The following HNF4G variants were observed in gnomAD, a reference collection of about 807,000 sequenced individuals.
HNF4G encodes hepatocyte nuclear factor 4-gamma.
In HNF4G, 21 loss-of-function variants were observed where a neutral mutation model predicts 50.9. The observed-to-expected ratio is 0.41, with a 90% CI of 0.29 to 0.59. The LOEUF (loss-of-function observed/expected upper bound fraction) is 0.59. Among genes scored for constraint, HNF4G ranks in the 20% least tolerant of loss-of-function variants. The pLI is 0.26. For synonymous variants in HNF4G, 198 were observed against 185.6 expected (o/e 1.07, Z -0.54); for missense variants, 527 against 559.4 (o/e 0.94, Z 0.58).
At chr8:75,469,374 GC>G (rs1259600516) in intron 1 of HNF4G, among the ~76,000 whole-genome samples, 1 of 152,162 alleles carries the variant, frequency 6.6e-6, no homozygotes. Context: ...CTGAGTAATT[GC>G]GACAATAATC....
At chr8:75,436,060 T>C (rs1019052836) in intron 1 of HNF4G, among the ~76,000 whole-genome samples, 1 of 152,178 alleles carries the variant, frequency 6.6e-6, no homozygotes, top group Non-Finnish European at 1.5e-5. Context: ...TATTCTGTTA[T>C]AATAGCAACA....
chr8:75,419,666 G>C (rs112306421), intron 1 of HNF4G, among the ~76,000 whole-genome samples: 5 of 152,284 alleles, frequency 3.3e-5, no homozygotes, highest in African/African-American at 1.2e-4. Context: ...CAAGCTCCAT[G>C]ATTCACGCCC....
At chr8:75,471,899 G>A (rs11990363) in intron 1 of HNF4G, among the ~76,000 whole-genome samples, 64,001 of 151,972 alleles carry the variant, frequency 0.42, 15,892 homozygotes, top group African/African-American at 0.7. Context: ...TTGGGATGAT[G>A]GAAAGAGAAC....
chr8:75,456,901 C>CA (rs1260114110), intron 1 of HNF4G, among the ~76,000 whole-genome samples: 2 of 150,834 alleles, frequency 1.3e-5, no homozygotes, highest in African/African-American at 4.9e-5. Context: ...CCACCATGCC[C>CA]AAAAAAATAA....
intron 1 of HNF4G, among the ~76,000 whole-genome samples, chr8:75,467,881 C>T (rs545754597): frequency 2.4e-4 from 36 of 152,132 alleles, no homozygotes; most frequent in South Asian, 1.7e-3. Flanking sequence ...GTTGCTAGGA[C>T]GGACTTACAG....
chr8:75,509,265 GC>G (rs1236604788), intron 2 of HNF4G, among the ~76,000 whole-genome samples: 1 of 152,128 alleles, frequency 6.6e-6, no homozygotes, highest in Non-Finnish European at 1.5e-5. Flanking sequence ...ATTGTGAAGA[GC>G]TAAGGACTGA....
chr8:75,531,590 A>G (rs1464165980), intron 2 of HNF4G, among the ~76,000 whole-genome samples: 2 of 152,102 alleles, frequency 1.3e-5, no homozygotes, highest in Non-Finnish European at 2.9e-5. Context: ...ACACTTTTAT[A>G]TTATACAGTC....
At chr8:75,473,032 G>C (rs898381089) in intron 1 of HNF4G, among the ~76,000 whole-genome samples, 1 of 152,000 alleles carries the variant, frequency 6.6e-6, no homozygotes, top group Admixed American at 6.6e-5. Flanking sequence ...AGTGTCAGCC[G>C]GGAGCAGTGG....
In HNF4G at chr8:75,519,778, C is replaced by T. The variant is rs562658587; in HGVS notation, c.-23-24033C>T. Among the ~76,000 whole-genome samples the T allele has an allele frequency of 2.6e-4, 39 of 152,020 alleles. No homozygotes were observed. In the East Asian group the frequency reaches 6.8e-3, roughly 26 times the overall value. ...TTTTTTTCTTGTTTAAACTTTTAATCTGTTTACGTCTTTGTATTTAAAGTG... is the reference window on the plus strand; with the variant it reads ...TTTTTTTCTTGTTTAAACTTTTAATTTGTTTACGTCTTTGTATTTAAAGTG... On this transcript the variant is annotated intron_variant, in intron 2 of 10. Transcript: ENST00000354370.
chr8:75,428,039 C>G lies in HNF4G; in HGVS notation c.-144+19877C>G, dbSNP rs73688882. Reference sequence around the variant, plus strand: ...GTCCATCAATATGCATAAAACATTGCTTTATATACTTATAATGGAACATTA... The same window carrying G: ...GTCCATCAATATGCATAAAACATTGGTTTATATACTTATAATGGAACATTA... On this transcript the variant is annotated intron_variant, in intron 1 of 10. Transcript: ENST00000354370. Among the ~76,000 whole-genome samples, 766 of 152,156 alleles carry G rather than the reference C, an allele frequency of 5.0e-3. 13 individuals carry two copies. Among genetic ancestry groups the G allele is most frequent in the African/African-American group, 0.018 (740 of 41,502 alleles).
At chr8:75,424,921 T>G (rs1315160925) in intron 1 of HNF4G, among the ~76,000 whole-genome samples, 1 of 152,102 alleles carries the variant, frequency 6.6e-6, no homozygotes, top group Non-Finnish European at 1.5e-5. Context: ...TAATGGGATT[T>G]CTAGGTCAAG....
At chr8:75,445,736 G>A (rs913088391) in intron 1 of HNF4G, among the ~76,000 whole-genome samples, 2 of 143,696 alleles carry the variant, frequency 1.4e-5, no homozygotes, top group African/African-American at 5.4e-5. Context: ...CCAGGAAGAA[G>A]TTGAATCTCT....
intron 1 of HNF4G, among the ~76,000 whole-genome samples, chr8:75,409,480 CTT>C (rs5892492): frequency 7.0e-3 from 471 of 67,322 alleles, no homozygotes; most frequent in African/African-American, 0.023. Flanking sequence ...GTGCCTTGTT[CTT>C]TTTTTTTTTT....
At chr8:75,480,987 G>A (rs1812364052) in intron 1 of HNF4G, among the ~76,000 whole-genome samples, 1 of 152,092 alleles carries the variant, frequency 6.6e-6, no homozygotes, top group South Asian at 2.1e-4. Context: ...AAGGTGCTAG[G>A]ATTACAGGCG....
At chr8:75,525,921 G>C (rs554323826) in intron 2 of HNF4G, among the ~76,000 whole-genome samples, 13 of 152,146 alleles carry the variant, frequency 8.5e-5, no homozygotes, top group African/African-American at 3.1e-4. Context: ...AACAAAAAAG[G>C]GAGTTGTCAC....
chr8:75,544,640 G>T (rs1306022617), intron 2 of HNF4G, among the ~76,000 whole-genome samples: 2 of 102,186 alleles, frequency 2.0e-5, no homozygotes, highest in Non-Finnish European at 1.9e-5. Context: ...CCAGTAGGCT[G>T]TTTTCTTGGG....
At chr8:75,560,648 G>C (rs1807284425) in intron 9 of HNF4G, among the ~76,000 whole-genome samples, 182 bp downstream of exon 9, 1 of 152,130 alleles carries the variant, frequency 6.6e-6, no homozygotes, top group African/African-American at 2.4e-5. Flanking sequence ...ACATAAGTTT[G>C]CTTCCTAAAA....
intron 1 of HNF4G, among the ~76,000 whole-genome samples, chr8:75,455,613 T>A (rs1811701732): frequency 6.6e-6 from 1 of 152,326 alleles, no homozygotes; most frequent in Admixed American, 6.5e-5. Context: ...AATGTTCTTC[T>A]GCTAATATTT....
At chr8:75,523,735 A>T (rs1341026359) in intron 2 of HNF4G, among the ~76,000 whole-genome samples, 1 of 151,496 alleles carries the variant, frequency 6.6e-6, no homozygotes, top group Non-Finnish European at 1.5e-5. Context: ...ATAGTATTAT[A>T]TTTTATAATA....
Sources: gnomAD v4.1 joint callset for allele counts (sites outside exome capture counted in the v4.1 genomes callset) on GRCh38, gnomAD v4.1.1 for gene constraint, MANE v1.5 for transcripts, NCBI Gene and HGNC (gene_info 2026-07-23, HGNC 2026-07-21) for gene names.